The following INPP4B variants were observed in gnomAD, a reference collection of about 807,000 sequenced individuals.
INPP4B encodes inositol polyphosphate 4-phosphatase type II.
Under a neutral mutation model 122.5 loss-of-function variants are expected in INPP4B, and 55 were observed. That is an observed-to-expected ratio of 0.45 (90% confidence interval 0.36 to 0.56). The LOEUF (loss-of-function observed/expected upper bound fraction) is 0.56. Ranked by LOEUF, INPP4B falls within the 20% of genes least tolerant of loss-of-function variation. INPP4B has a pLI of 0.00. For synonymous variants in INPP4B, 403 were observed against 388.7 expected (o/e 1.04, Z -0.43); for missense variants, 1,000 against 1,097.7 (o/e 0.91, Z 1.26).
chr4:142,554,392 A>C (rs1305389898), intron 2 of INPP4B, among the ~76,000 whole-genome samples: 2 of 151,628 alleles, frequency 1.3e-5, no homozygotes, highest in African/African-American at 2.4e-5. Context: ...AAAGGAAAAA[A>C]AAGAAATTCC....
intron 3 of INPP4B, among the ~76,000 whole-genome samples, chr4:142,441,171 AAAAGT>A (rs1386067685): frequency 3.3e-5 from 5 of 152,354 alleles, no homozygotes; most frequent in African/African-American, 1.2e-4. Flanking sequence ...TACAGTGTCA[AAAAGT>A]AAAGACTGTA....
chr4:142,267,221 A>T (rs1743238993), intron 10 of INPP4B, among the ~76,000 whole-genome samples: 1 of 152,182 alleles, frequency 6.6e-6, no homozygotes, highest in South Asian at 2.1e-4. Context: ...TAAAATTCTT[A>T]AGAAACCACA....
intron 7 of INPP4B, among the ~76,000 whole-genome samples, chr4:142,337,948 T>C (rs1395143351): frequency 3.3e-5 from 5 of 151,668 alleles, no homozygotes; most frequent in Non-Finnish European, 5.9e-5. Flanking sequence ...TATATAATTG[T>C]ATATCTTTAA....
intron 11 of INPP4B, among the ~76,000 whole-genome samples, chr4:142,245,806 G>A (rs867627857): frequency 7.4e-6 from 1 of 135,084 alleles, no homozygotes. Flanking sequence ...ACATATATAT[G>A]TGTATGTATA....
rs542235818 is a variant in INPP4B, at chr4:142,836,205, C to T, written c.-254+10004G>A. On this transcript the variant is annotated intron_variant, in intron 1 of 25. Coordinates refer to ENST00000262992, the MANE Select transcript of INPP4B (RefSeq NM_001101669.3). ...ATTGAAATCTAAAAATATTTTGGCA[C>T]AGCTTTACAACATTATTCTAAAATT... Among the ~76,000 whole-genome samples, 89 of 152,224 alleles carry T rather than the reference C, an allele frequency of 5.8e-4. 2 individuals are homozygous for T. The South Asian group carries it at 0.014, about 24-fold the overall frequency.
At chr4:142,328,566 G>C (rs1433861847) in intron 7 of INPP4B, among the ~76,000 whole-genome samples, 1 of 152,116 alleles carries the variant, frequency 6.6e-6, no homozygotes, top group South Asian at 2.1e-4. Flanking sequence ...TGACAATGCA[G>C]GTCTCTCCTG....
At chr4:142,342,093 A>G (rs908375673) in intron 7 of INPP4B, among the ~76,000 whole-genome samples, 60 of 152,128 alleles carry the variant, frequency 3.9e-4, no homozygotes, top group Admixed American at 1.6e-3. Flanking sequence ...TAATTTCTCT[A>G]ATCCTCAGAT....
chr4:142,644,359 T>C (rs982434157), intron 2 of INPP4B, among the ~76,000 whole-genome samples: 6 of 151,972 alleles, frequency 3.9e-5, no homozygotes, highest in Non-Finnish European at 8.8e-5. Flanking sequence ...TTTCCACTTA[T>C]CCTGTCAGGA....
chr4:142,651,947 T>C (rs879160854), intron 2 of INPP4B, among the ~76,000 whole-genome samples: 2 of 152,212 alleles, frequency 1.3e-5, no homozygotes, highest in African/African-American at 4.8e-5. Flanking sequence ...ATACCGCTGA[T>C]GAACATCGAT....
chr4:142,650,934 C>G (rs1435796203), intron 2 of INPP4B, among the ~76,000 whole-genome samples: 1 of 152,216 alleles, frequency 6.6e-6, no homozygotes, highest in Non-Finnish European at 1.5e-5. Context: ...CTCAGCACCA[C>G]ATCACACTTC....
At chr4:142,263,680 A>ATATATATATAT (rs61694410) in intron 10 of INPP4B, among the ~76,000 whole-genome samples, 319 of 81,814 alleles carry the variant, frequency 3.9e-3, no homozygotes, top group South Asian at 7.6e-3. Context: ...ATATATATAT[A>ATATATATATAT]ACATTGAACA....
At chr4:142,100,162 A>G (rs1490035631) in intron 23 of INPP4B, among the ~76,000 whole-genome samples, 1 of 152,060 alleles carries the variant, frequency 6.6e-6, no homozygotes, top group Non-Finnish European at 1.5e-5. Flanking sequence ...TCTGCTCTTT[A>G]TCACAGGAAA....
intron 18 of INPP4B, among the ~76,000 whole-genome samples, chr4:142,126,447 G>T (rs1798655673): frequency 6.6e-6 from 1 of 152,044 alleles, no homozygotes; most frequent in Non-Finnish European, 1.5e-5. Context: ...AACCCAAAGG[G>T]TTGAAAGGAT....
chr4:142,212,726 C>T (rs1198482525), intron 12 of INPP4B, among the ~76,000 whole-genome samples: 1 of 152,174 alleles, frequency 6.6e-6, no homozygotes, highest in East Asian at 1.9e-4. Flanking sequence ...GACTCCACCA[C>T]AAGAACCAGG....
At chr4:142,603,841 AG>A (rs1366906911) in intron 2 of INPP4B, among the ~76,000 whole-genome samples, 96 of 152,156 alleles carry the variant, frequency 6.3e-4, no homozygotes, top group Admixed American at 6.2e-3. Flanking sequence ...ATTGAAAGAG[AG>A]GGAATTCTCC....
At chr4:142,299,173 G>GTTT (rs780746455) in intron 9 of INPP4B, among the ~76,000 whole-genome samples, 12,915 of 143,332 alleles carry the variant, frequency 0.09, 611 homozygotes, top group South Asian at 0.16. Context: ...TTTTTTTGGG[G>GTTT]GGGAGACAGA....
At chr4:142,817,408 C>T (rs1423034799) in intron 1 of INPP4B, among the ~76,000 whole-genome samples, 1 of 152,146 alleles carries the variant, frequency 6.6e-6, no homozygotes, top group East Asian at 1.9e-4. Context: ...AGCCCCCTTG[C>T]TTTCTCCTCG....
intron 25 of INPP4B, among the ~76,000 whole-genome samples, chr4:142,075,489 A>G (rs185784039): frequency 3.9e-5 from 6 of 152,126 alleles, no homozygotes; most frequent in East Asian, 1.9e-4. Context: ...CCTGTAGCCC[A>G]CTAGCCCACT....
chr4:142,192,644 G>A (rs922686564), intron 15 of INPP4B, among the ~76,000 whole-genome samples: 1 of 152,110 alleles, frequency 6.6e-6, no homozygotes, highest in African/African-American at 2.4e-5. Flanking sequence ...ATTCTGTATT[G>A]TTGTGTCTTT....
Sources: gnomAD v4.1 joint callset for allele counts (sites outside exome capture counted in the v4.1 genomes callset) on GRCh38, gnomAD v4.1.1 for gene constraint, MANE v1.5 for transcripts, NCBI Gene and HGNC (gene_info 2026-07-23, HGNC 2026-07-21) for gene names.